The following RFTN1 variants were observed in gnomAD, a reference collection of about 807,000 sequenced individuals.
RFTN1 encodes raftlin, lipid raft linker 1, also known as raftlin.
RFTN1 carries 26 observed loss-of-function variants against 46.5 expected under a neutral mutation model. That is an observed-to-expected ratio of 0.56 (90% CI 0.41 to 0.78). RFTN1 has a LOEUF of 0.78. RFTN1 is among the 30% of genes least tolerant of loss of function. The probability of loss-of-function intolerance (pLI) is 0.00; values close to 1 mark genes in which losing one functional copy is unlikely to be tolerated. For synonymous variants in RFTN1, 261 were observed against 284.2 expected (o/e 0.92, Z 0.82); for missense variants, 693 against 718.7 (o/e 0.96, Z 0.41).
chr3:16,476,783 C>T (rs1352313926), intron 2 of RFTN1, among the ~76,000 whole-genome samples: 2 of 152,194 alleles, frequency 1.3e-5, no homozygotes, highest in Admixed American at 1.3e-4. Flanking sequence ...GCAAATCCTA[C>T]AAATCAGATA....
intron 7 of RFTN1, among the ~76,000 whole-genome samples, chr3:16,355,802 G>C (rs1055665915): frequency 2.6e-5 from 4 of 152,220 alleles, no homozygotes; most frequent in African/African-American, 9.6e-5. Context: ...TGAGGCTACT[G>C]GTCCTGCAGT....
rs11716932 is a variant in RFTN1 at position 16,452,857 on chromosome 3, C to T, written c.146-18820G>A. Among the ~76,000 whole-genome samples, 25,786 of 152,136 alleles carry T rather than the reference C, an allele frequency of 0.17. 2,403 individuals carry two copies. The highest frequency in any genetic ancestry group is 0.27 in the East Asian group (1,405 of 5,174). On this transcript the variant is annotated intron_variant, in intron 2 of 9. Coordinates refer to ENST00000334133, the MANE Select transcript of RFTN1 (RefSeq NM_015150.2). The surrounding 1 kb of genome is among the most constrained non-coding windows in gnomAD (Gnocchi z 6.3). ...TCAAGTTCTTTTGCACTTAGTGTTT[C>T]AGAATTTAAATGCTGCTTTTTAATC...
Position 16,402,025 on chromosome 3 carries a change from A to C in RFTN1, c.441+7350T>G, listed in dbSNP as rs2074616453. ...GCTTTCTTGCAAGTCCCAGCCCAAC[A>C]ACCACAGCTGCCTTCTGGAATGTTC... On this transcript the variant is annotated intron_variant, in intron 4 of 9. Coordinates refer to ENST00000334133, the MANE Select transcript of RFTN1 (RefSeq NM_015150.2). This position sits in a 1 kb window ranked among gnomAD's most constrained non-coding sequence, Gnocchi z 4.5. Among the ~76,000 whole-genome samples the C allele has an allele frequency of 1.3e-5, 2 of 152,104 alleles. No individual in the cohort carries two copies. Among genetic ancestry groups the C allele is most frequent in the African/African-American group, 4.8e-5 (2 of 41,406 alleles).
intron 3 of RFTN1, among the ~76,000 whole-genome samples, chr3:16,415,390 A>T (rs2075053285): frequency 8.0e-6 from 1 of 125,660 alleles, no homozygotes; most frequent in African/African-American, 2.7e-5. Context: ...CCAAGTTGAG[A>T]TGTCTGGTAG....
intron 7 of RFTN1, chr3:16,350,129 A>G (rs2071992528): frequency 6.6e-6 from 1 of 152,250 alleles, no homozygotes; most frequent in Non-Finnish European, 1.5e-5. Flanking sequence ...AAAATTAACC[A>G]TCACAGGACA....
Position 16,440,696 on chromosome 3 carries a change from GGC to G in RFTN1, c.146-6661_146-6660del, listed in dbSNP as rs367801820. On this transcript the variant is annotated intron_variant, in intron 2 of 9. Transcript: ENST00000334133. This position sits in a 1 kb window ranked among gnomAD's most constrained non-coding sequence, Gnocchi z 4.6. ...AGATGGTTACTGCTAATGGGGGGGGGGCCCAATGGTGCCAGAACTTCTAACTC... is the reference window on the plus strand; with the variant it reads ...AGATGGTTACTGCTAATGGGGGGGGGCCAATGGTGCCAGAACTTCTAACTC... 3.0e-3 allele frequency among the ~76,000 whole-genome samples: 449 copies of G among 151,982 alleles called. No homozygotes were observed. Among genetic ancestry groups the G allele is most frequent in the African/African-American group, 0.01 (424 of 41,348 alleles).
Position 16,352,318 on chromosome 3 carries a change from T to TG in RFTN1, c.1146+5613dup, listed in dbSNP as rs1412707887. Among the ~76,000 whole-genome samples, 1 of 152,222 alleles carries TG rather than the reference T, an allele frequency of 6.6e-6. No homozygotes were observed. Among genetic ancestry groups the TG allele is most frequent in the East Asian group, 1.9e-4 (1 of 5,196 alleles). The stretch of plus-strand genomic sequence containing the variant: ...ACCTGGTGGTGTCTATAAGCTCTGA[T>TG]GGGCTGTCAGGCTCAAAGATAAACA... On this transcript the variant is annotated intron_variant, in intron 7 of 9. Transcript: ENST00000334133. This position sits in a 1 kb window ranked among gnomAD's most constrained non-coding sequence, Gnocchi z 4.6.
In RFTN1 at chr3:16,512,510, C is replaced by T. The variant is rs2076919089; in HGVS notation, c.-9+932G>A. On this transcript the variant is annotated intron_variant, in intron 1 of 9. Transcript: ENST00000334133. The surrounding 1 kb of genome is among the most constrained non-coding windows in gnomAD (Gnocchi z 4.3). ...AGCGTCCCTAGGGATCACCCATAAC[C>T]ACACAGGGCAGCTGAGGGCAAGCAC... is the stretch of plus-strand genomic sequence containing the variant. Among the ~76,000 whole-genome samples the T allele has an allele frequency of 1.3e-5, 2 of 152,142 alleles. No homozygotes were observed. Among genetic ancestry groups the T allele is most frequent in the Middle Eastern group, 3.4e-3 (1 of 294 alleles).
At chr3:16,399,799 C>G (rs1293724607) in intron 4 of RFTN1, among the ~76,000 whole-genome samples, 1 of 152,158 alleles carries the variant, frequency 6.6e-6, no homozygotes, top group Non-Finnish European at 1.5e-5. Flanking sequence ...CCCATTAATC[C>G]AACTGCAGGA....
rs1043401473 is a variant in RFTN1, at chr3:16,465,419, G to A, written c.145+28306C>T. ...CCAACAGAGGTTGGCAGCTCAGAGG[G>A]ACACACACACACACACACACACACA... On this transcript the variant is annotated intron_variant, in intron 2 of 9. Transcript: ENST00000334133. This position sits in a 1 kb window ranked among gnomAD's most constrained non-coding sequence, Gnocchi z 5.1. Among the ~76,000 whole-genome samples the A allele has an allele frequency of 7.0e-5, 10 of 143,404 alleles. No homozygotes were observed. The highest frequency in any genetic ancestry group is 1.4e-4 in the Admixed American group (2 of 14,274). 94.1% of individuals were successfully genotyped at this position (143,404 alleles called of 152,430 possible).
At position 16,385,972 on chromosome 3, in the gene RFTN1, G is replaced by A. The variant is rs1362097742; in HGVS notation, c.442-7870C>T. On this transcript the variant is annotated intron_variant, in intron 4 of 9. Transcript: ENST00000334133. This position sits in a 1 kb window ranked among gnomAD's most constrained non-coding sequence, Gnocchi z 5.0. ...CCCTCCAAGGCTGCAAGACCCCCAGGCTTCCATTAAATGCTGCTGCACACC... is the reference window on the plus strand; with the variant it reads ...CCCTCCAAGGCTGCAAGACCCCCAGACTTCCATTAAATGCTGCTGCACACC... Among the ~76,000 whole-genome samples, 1 of 152,182 alleles carries A rather than the reference G, an allele frequency of 6.6e-6. No individual in the cohort carries two copies. The highest frequency in any genetic ancestry group is 1.5e-5 in the Non-Finnish European group (1 of 68,024).
chr3:16,356,469 T>G lies in RFTN1; in HGVS notation c.1146+1463A>C, dbSNP rs1182083955. On this transcript the variant is annotated intron_variant, in intron 7 of 9. Transcript: ENST00000334133. This position sits in a 1 kb window ranked among gnomAD's most constrained non-coding sequence, Gnocchi z 4.9. ...TATCACACTTGCAAGCAGTTATTTC[T>G]CATCCCTGTTCAGACGCAGGTATGC... Among the ~76,000 whole-genome samples the G allele has an allele frequency of 6.7e-6, 1 of 148,504 alleles. No homozygotes were observed. The highest frequency in any genetic ancestry group is 2.4e-5 in the African/African-American group (1 of 40,936).
chr3:16,397,833 G>C (rs912254220), intron 4 of RFTN1, among the ~76,000 whole-genome samples: 1 of 151,970 alleles, frequency 6.6e-6, no homozygotes, highest in Non-Finnish European at 1.5e-5. Flanking sequence ...GAAAAATAGA[G>C]CGGTATTTGG....
At chr3:16,462,426 G>A (rs930730539) in intron 2 of RFTN1, among the ~76,000 whole-genome samples, 8 of 152,234 alleles carry the variant, frequency 5.3e-5, no homozygotes, top group Admixed American at 5.2e-4. Context: ...TAAGGACCTT[G>A]GAAAGAGGTG....
chr3:16,485,723 G>T (rs1294205350), intron 2 of RFTN1, among the ~76,000 whole-genome samples: 1 of 152,234 alleles, frequency 6.6e-6, no homozygotes, highest in African/African-American at 2.4e-5. Flanking sequence ...ACACCTATCA[G>T]AACTCATCAC....
rs1028874912 is a variant in RFTN1, at chr3:16,374,754, C to G, written c.826+2964G>C. On this transcript the variant is annotated intron_variant, in intron 5 of 9. Coordinates refer to ENST00000334133, the MANE Select transcript of RFTN1 (RefSeq NM_015150.2). The surrounding 1 kb of genome is among the most constrained non-coding windows in gnomAD (Gnocchi z 5.4). ...CGGAGACACTGAGGCTGTCCCTGCACAGGCTCAGGTGATCACGGCACAGCA... is the reference window on the plus strand; with the variant it reads ...CGGAGACACTGAGGCTGTCCCTGCAGAGGCTCAGGTGATCACGGCACAGCA... Among the ~76,000 whole-genome samples the G allele has an allele frequency of 3.3e-5, 5 of 152,202 alleles. No individual in the cohort carries two copies. The highest frequency in any genetic ancestry group is 7.2e-5 in the African/African-American group (3 of 41,452).
chr3:16,500,669 T>A lies in RFTN1; in HGVS notation c.-8-6792A>T, dbSNP rs2076696322. On this transcript the variant is annotated intron_variant, in intron 1 of 9. Transcript: ENST00000334133. The surrounding 1 kb of genome is among the most constrained non-coding windows in gnomAD (Gnocchi z 5.9). ...TTGAATGGTGATCTTCTGGAAAAAATTTTGGCTGAATCAAACCTTAAGTGG... is the reference window on the plus strand; with the variant it reads ...TTGAATGGTGATCTTCTGGAAAAAAATTTGGCTGAATCAAACCTTAAGTGG... 6.6e-6 allele frequency among the ~76,000 whole-genome samples: 1 copy of A among 152,058 alleles called. No individual in the cohort carries two copies. Among genetic ancestry groups the A allele is most frequent in the Non-Finnish European group, 1.5e-5 (1 of 67,998 alleles).
intron 5 of RFTN1, among the ~76,000 whole-genome samples, chr3:16,377,171 A>G (rs1179737551): frequency 1.3e-5 from 2 of 152,012 alleles, no homozygotes; most frequent in African/African-American, 4.8e-5. Flanking sequence ...GCCTCGGCAA[A>G]TCTTGTTAGT....
At position 16,374,974 on chromosome 3, in the gene RFTN1, C is replaced by G. The variant is rs9850414; in HGVS notation, c.826+2744G>C. 6.6e-6 allele frequency among the ~76,000 whole-genome samples: 1 copy of G among 152,070 alleles called. No individual in the cohort carries two copies. The highest frequency in any genetic ancestry group is 2.4e-5 in the African/African-American group (1 of 41,398). On this transcript the variant is annotated intron_variant, in intron 5 of 9. Coordinates refer to ENST00000334133, the MANE Select transcript of RFTN1 (RefSeq NM_015150.2). The surrounding 1 kb of genome is among the most constrained non-coding windows in gnomAD (Gnocchi z 5.4). The stretch of plus-strand genomic sequence containing the variant: ...AATCCACTGGAAAGTCCTGTCTGAG[C>G]AGGCATTGCCTAGATTCCTCTCCCC...
Sources: gnomAD v4.1 joint callset for allele counts (sites outside exome capture counted in the v4.1 genomes callset) on GRCh38, gnomAD v4.1.1 for gene constraint, Gnocchi (gnomAD v3.1) non-coding constraint, MANE v1.5 for transcripts, NCBI Gene and HGNC (gene_info 2026-07-23, HGNC 2026-07-21) for gene names.